The following PAPLN variants were observed in gnomAD, a reference collection of about 807,000 sequenced individuals.
PAPLN encodes papilin, proteoglycan like sulfated glycoprotein, also known as papilin.
A neutral mutation model predicts 159.0 loss-of-function variants in PAPLN; 146 were observed. That is an observed-to-expected ratio of 0.92 (90% confidence interval 0.80 to 1.05). The LOEUF (loss-of-function observed/expected upper bound fraction) is 1.05, where lower values mean the gene tolerates loss of function less well. Among genes scored for constraint, PAPLN ranks in the 50% least tolerant of loss-of-function variants. The probability of loss-of-function intolerance (pLI) is 0.00; values close to 1 mark genes in which losing one functional copy is unlikely to be tolerated. For missense variants in PAPLN, 1,720 were observed against 1,743.9 expected, an observed-to-expected ratio of 0.99 and a Z score of 0.24; for synonymous variants, 734 against 702.9, an observed-to-expected ratio of 1.04 and a Z score of -0.70.
At chr14:73,251,146 G>A in intron 7 of PAPLN, 116 bp downstream of exon 7, 1 of 1,482,370 alleles carries the variant, frequency 6.7e-7, no homozygotes, top group Non-Finnish European at 9.0e-7. Context: ...GCACTGGAAG[G>A]CTCTGATCAT....
At chr14:73,258,364 A>G (rs1886162240) in intron 14 of PAPLN, among the ~76,000 whole-genome samples, 1 of 152,006 alleles carries the variant, frequency 6.6e-6, no homozygotes, top group Non-Finnish European at 1.5e-5. Context: ...CCACTTTTTA[A>G]TTGGATTGTT....
At position 73,268,564 on chromosome 14, in the gene PAPLN, C is replaced by A. The variant is rs770173058; in HGVS notation, c.3508C>A (p.Leu1170Ile). The A allele has an allele frequency of 2.5e-6, 4 of 1,611,864 alleles. No individual in the cohort carries two copies. Among genetic ancestry groups the A allele is most frequent in the Non-Finnish European group, 3.4e-6 (4 of 1,178,828 alleles). The part of the protein sequence containing the change: ...SVNIRWSRNG[L>I]PVQADGHRVH... Reference sequence around the variant, plus strand: ...GTGTCCTCTCTCCTCCAGGAACGGGCTACCTGTGCAGGCTGATGGCCACCG... The same window carrying A: ...GTGTCCTCTCTCCTCCAGGAACGGGATACCTGTGCAGGCTGATGGCCACCG... The change falls in exon 26 of 27, where the codon CTA (leucine) becomes ATA (isoleucine). Residue 1170 changes from leucine to isoleucine, a missense_variant. Coordinates refer to ENST00000644200, the MANE Select transcript of PAPLN (RefSeq NM_001365906.3).
intron 3 of PAPLN, 48 bp downstream of exon 3, chr14:73,244,807 T>C (rs903306411): frequency 7.0e-7 from 1 of 1,437,844 alleles, no homozygotes; most frequent in African/African-American, 1.4e-5. Flanking sequence ...GAGCAGGGGA[T>C]GCTGCCTTCT....
chr14:73,250,029 TC>T lies in PAPLN; in HGVS notation c.381del (p.Tyr128ThrfsTer76). 6.2e-7 allele frequency: 1 copy of T among 1,613,000 alleles called. No homozygotes were observed. Among genetic ancestry groups the T allele is most frequent in the Non-Finnish European group, 8.5e-7 (1 of 1,179,552 alleles). ...ELNCIPKGEN[F>X]YYKHREAVVD... is the part of the protein sequence containing the mutation. ...AACTGCATTCCCAAGGGGGAGAACT[TC>T]TACTACAAGCACAGGGAGGCTGTGG... On this transcript the variant is annotated frameshift_variant, in exon 6 of 27. Coordinates refer to ENST00000644200, the MANE Select transcript of PAPLN (RefSeq NM_001365906.3). LOFTEE classifies it high-confidence loss of function.
intron 11 of PAPLN, chr14:73,253,083 G>T: frequency 7.3e-7 from 1 of 1,365,260 alleles, no homozygotes. Context: ...GGTTTGGCTT[G>T]GCAGATGCCA....
chr14:73,247,736 G>A (rs1173176318), intron 5 of PAPLN, among the ~76,000 whole-genome samples: 3 of 119,312 alleles, frequency 2.5e-5, no homozygotes, highest in African/African-American at 5.5e-5. Flanking sequence ...TCCTCTGTGC[G>A]TGTGTGTGTG....
intron 11 of PAPLN, 122 bp from the exon 12 acceptor site, chr14:73,253,632 C>A: frequency 1.1e-6 from 1 of 902,852 alleles, no homozygotes; most frequent in Non-Finnish European, 1.7e-6. Context: ...AGGCTGGAGG[C>A]TCAGAGGATG....
Position 73,268,541 on chromosome 14 carries a change from G to A in PAPLN, c.3501-16G>A, listed in dbSNP as rs758225906. 1 of 1,605,728 alleles carries A rather than the reference G, an allele frequency of 6.2e-7. No individual in the cohort carries two copies. Among genetic ancestry groups the A allele is most frequent in the Admixed American group, 1.7e-5 (1 of 59,486 alleles). On this transcript the variant is annotated splice_polypyrimidine_tract_variant and intron_variant, in intron 25 of 26. Coordinates refer to ENST00000644200, the MANE Select transcript of PAPLN (RefSeq NM_001365906.3). ...AGAGGCCCTTGATGGCTCTCCCAGT[G>A]TCCTCTCTCCTCCAGGAACGGGCTA...
intron 2 of PAPLN, among the ~76,000 whole-genome samples, chr14:73,242,249 A>G (rs993034746): frequency 2.6e-5 from 4 of 152,180 alleles, no homozygotes; most frequent in Admixed American, 6.5e-5. Context: ...CATTCTGGAA[A>G]CAGCATGTCC....
intron 21 of PAPLN, 68 bp downstream of exon 21, chr14:73,264,403 C>G: frequency 6.4e-7 from 1 of 1,569,284 alleles, no homozygotes; most frequent in South Asian, 1.2e-5. Context: ...GGATGGGGAG[C>G]CTGACCGAGG....
chr14:73,249,361 T>C (rs754102753), intron 5 of PAPLN, among the ~76,000 whole-genome samples: 3 of 152,188 alleles, frequency 2.0e-5, no homozygotes, highest in Non-Finnish European at 2.9e-5. Context: ...TAATATTCCA[T>C]TGATAATTTA....
intron 14 of PAPLN, among the ~76,000 whole-genome samples, chr14:73,257,608 A>G (rs1886061913): frequency 6.6e-6 from 1 of 152,112 alleles, no homozygotes; most frequent in Admixed American, 6.6e-5. Context: ...TTTTTTGTAA[A>G]TTTACAAGTT....
In PAPLN at chr14:73,252,020, C is replaced by T. The variant is rs771516611; in HGVS notation, c.846C>T (p.Leu282=). Reference sequence around the variant, plus strand: ...CAACAAGGACTCTCCCGTGACAGCTCATCAGCCAGGAGCCCAACCCCGGTG... The same window carrying T: ...CAACAAGGACTCTCCCGTGACAGCTTATCAGCCAGGAGCCCAACCCCGGTG... ...GPTSEPLVIE[L]ISQEPNPGVH... is the part of the protein sequence containing the mutation. The change falls in exon 10 of 27, where the codon CTC becomes CTT. Residue 282 remains leucine (L), a splice_region_variant and synonymous_variant. Coordinates refer to ENST00000644200, the MANE Select transcript of PAPLN (RefSeq NM_001365906.3). 1.8e-5 allele frequency: 29 copies of T among 1,607,284 alleles called. No individual in the cohort carries two copies. Among genetic ancestry groups the T allele is most frequent in the African/African-American group, 2.7e-5 (2 of 74,918 alleles).
intron 5 of PAPLN, among the ~76,000 whole-genome samples, chr14:73,248,249 ATG>A (rs376447361): frequency 2.2e-3 from 171 of 76,582 alleles, no homozygotes; most frequent in Middle Eastern, 8.9e-3. Flanking sequence ...CATATCCTCT[ATG>A]TGTGTGTGTG....
At chr14:73,261,361 C>A (rs958918894) in intron 18 of PAPLN, 67 bp downstream of exon 18, 4 of 1,556,924 alleles carry the variant, frequency 2.6e-6, no homozygotes, top group Non-Finnish European at 2.6e-6. Flanking sequence ...CTCCAGCCCC[C>A]ACCCAGGACC....
At chr14:73,263,892 C>A (rs1387015316) in intron 20 of PAPLN, 110 bp downstream of exon 20, 20 of 1,271,860 alleles carry the variant, frequency 1.6e-5, no homozygotes, top group Non-Finnish European at 2.1e-5. Flanking sequence ...TGACAGACCC[C>A]CTCCTCCTTT....
At chr14:73,263,438 T>G in intron 19 of PAPLN, 1 of 628,582 alleles carries the variant, frequency 1.6e-6, no homozygotes. Flanking sequence ...GAGGCAGTGA[T>G]GCTTGGGGGA....
chr14:73,238,699 C>T (rs1412384411), intron 1 of PAPLN, among the ~76,000 whole-genome samples: 1 of 152,236 alleles, frequency 6.6e-6, no homozygotes, highest in Non-Finnish European at 1.5e-5. Flanking sequence ...CCAGGAATCT[C>T]GAACTTGACC....
At chr14:73,240,806 G>A (rs1291661101) in intron 2 of PAPLN, among the ~76,000 whole-genome samples, 1 of 152,160 alleles carries the variant, frequency 6.6e-6, no homozygotes, top group Admixed American at 6.5e-5. Flanking sequence ...CCACCTTTGG[G>A]GAGGAGGGGG....
Sources: allele counts gnomAD v4.1 joint callset (sites outside exome capture counted in the v4.1 genomes callset), GRCh38; gene constraint gnomAD v4.1.1; transcripts MANE v1.5; gene names NCBI Gene and HGNC (gene_info 2026-07-23, HGNC 2026-07-21).